SDC2: variants seen among roughly 807,000 people sequenced by gnomAD.
SDC2 encodes the protein syndecan 2.
SDC2 carries 13 observed loss-of-function variants against 22.2 expected under a neutral mutation model. The observed-to-expected ratio is 0.59, with a 90% CI of 0.38 to 0.93. The LOEUF (loss-of-function observed/expected upper bound fraction) is 0.93. Ranked by LOEUF, SDC2 falls within the 40% of genes least tolerant of loss-of-function variation. The pLI is 0.00. For missense variants in SDC2, 235 were observed against 246.8 expected, an observed-to-expected ratio of 0.95 and a Z score of 0.32; for synonymous variants, 94 against 92.8, an observed-to-expected ratio of 1.01 and a Z score of -0.07.
intron 1 of SDC2, among the ~76,000 whole-genome samples, chr8:96,513,501 C>T (rs1813358459): frequency 6.6e-6 from 1 of 152,148 alleles, no homozygotes; most frequent in Non-Finnish European, 1.5e-5. Context: ...ATACTATAAA[C>T]TATTTACAGA....
chr8:96,515,724 G>T (rs1813391211), intron 1 of SDC2, among the ~76,000 whole-genome samples: 1 of 152,166 alleles, frequency 6.6e-6, no homozygotes, highest in African/African-American at 2.4e-5. Context: ...ACTCCAAAAA[G>T]ATCATGAGGC....
At chr8:96,590,552 A>T (rs183586570) in intron 1 of SDC2, among the ~76,000 whole-genome samples, 1 of 152,248 alleles carries the variant, frequency 6.6e-6, no homozygotes, top group African/African-American at 2.4e-5. Flanking sequence ...TTCCCGTCCT[A>T]GGCATGTTCA....
intron 1 of SDC2, among the ~76,000 whole-genome samples, chr8:96,590,463 G>T (rs1472624072): frequency 1.3e-5 from 2 of 152,234 alleles, no homozygotes; most frequent in East Asian, 3.9e-4. Context: ...AAAATCGGTA[G>T]TTTCGAATTC....
chr8:96,506,007 A>C (rs1038537307), intron 1 of SDC2, among the ~76,000 whole-genome samples: 1 of 152,232 alleles, frequency 6.6e-6, no homozygotes, highest in African/African-American at 2.4e-5. Flanking sequence ...GCATTTGTAC[A>C]ATCAAAATTG....
intron 1 of SDC2, among the ~76,000 whole-genome samples, chr8:96,556,776 G>A (rs922323291): frequency 1.3e-5 from 2 of 150,616 alleles, no homozygotes; most frequent in African/African-American, 4.8e-5. Context: ...TGACAAATGG[G>A]ATCTAATTAA....
intron 3 of SDC2, among the ~76,000 whole-genome samples, chr8:96,603,754 G>C (rs1237057006): frequency 6.6e-6 from 1 of 152,128 alleles, no homozygotes; most frequent in East Asian, 1.9e-4. Flanking sequence ...GGAACAGCCA[G>C]GAAGCCAGCC....
rs1376067935 is a variant in SDC2 at position 96,493,883 on chromosome 8, C to G, written c.-389C>G. 5.1e-6 allele frequency: 1 copy of G among 197,660 alleles called. No homozygotes were observed. Among genetic ancestry groups the G allele is most frequent in the Non-Finnish European group, 1.0e-5 (1 of 97,520 alleles). 12.2% of individuals were successfully genotyped at this position (197,660 alleles called of 1,614,324 possible). On this transcript the variant is annotated 5_prime_UTR_variant, in exon 1 of 5. Coordinates refer to ENST00000302190, the MANE Select transcript of SDC2 (RefSeq NM_002998.4). Reference sequence around the variant, plus strand: ...CTCTGCCCCTAAACTTCTGCCGTAGCTCCCTTTCAAGCCAGCGAATTTATT... The same window carrying G: ...CTCTGCCCCTAAACTTCTGCCGTAGGTCCCTTTCAAGCCAGCGAATTTATT...
intron 1 of SDC2, among the ~76,000 whole-genome samples, chr8:96,524,725 TTCC>T (rs1813551612): frequency 1.3e-5 from 2 of 152,178 alleles, no homozygotes; most frequent in Non-Finnish European, 2.9e-5. Flanking sequence ...TTAGAAATCA[TTCC>T]TCCTCCTTTT....
chr8:96,595,402 A>G (rs1294207759), intron 2 of SDC2, among the ~76,000 whole-genome samples: 2 of 152,196 alleles, frequency 1.3e-5, no homozygotes, highest in East Asian at 1.9e-4. Flanking sequence ...AAATAACTCT[A>G]GTTATTCTTG....
At chr8:96,563,685 T>C (rs1168743569) in intron 1 of SDC2, among the ~76,000 whole-genome samples, 4 of 152,234 alleles carry the variant, frequency 2.6e-5, no homozygotes, top group African/African-American at 9.6e-5. Flanking sequence ...AGTTCTCTAA[T>C]TCTAATACGT....
chr8:96,565,083 G>GTTTTTTTTTTTTTTTTTTTTTTT (rs1563663668), intron 1 of SDC2, among the ~76,000 whole-genome samples: 1 of 15,922 alleles, frequency 6.3e-5, no homozygotes, highest in African/African-American at 2.6e-4. Flanking sequence ...TCCTAAATTT[G>GTTTTTTTTTTTTTTTTTTTTTTT]ATTTTTTTTT....
At chr8:96,506,892 C>A (rs1194856550) in intron 1 of SDC2, among the ~76,000 whole-genome samples, 2 of 151,670 alleles carry the variant, frequency 1.3e-5, no homozygotes, top group Admixed American at 6.6e-5. Context: ...GCCTGTAGTC[C>A]CAGCTACTCG....
chr8:96,532,425 T>G (rs1026557151), intron 1 of SDC2, among the ~76,000 whole-genome samples: 3 of 143,970 alleles, frequency 2.1e-5, no homozygotes, highest in South Asian at 2.3e-4. Context: ...TTTTTTTTTT[T>G]TTTTTTTTTT....
At chr8:96,502,402 A>G (rs1441784045) in intron 1 of SDC2, among the ~76,000 whole-genome samples, 1 of 152,164 alleles carries the variant, frequency 6.6e-6, no homozygotes, top group South Asian at 2.1e-4. Flanking sequence ...GTATTTTTTT[A>G]TATATTTTCT....
intron 1 of SDC2, among the ~76,000 whole-genome samples, chr8:96,503,058 G>A (rs1375554403): frequency 6.6e-6 from 1 of 152,176 alleles, no homozygotes; most frequent in Non-Finnish European, 1.5e-5. Context: ...GAATATGTTT[G>A]TAGTCAGCTT....
chr8:96,582,016 T>C (rs185436239), intron 1 of SDC2, among the ~76,000 whole-genome samples: 1 of 152,226 alleles, frequency 6.6e-6, no homozygotes, highest in East Asian at 1.9e-4. Context: ...CATGTCAGTT[T>C]GACCGGGAGC....
chr8:96,538,359 C>T (rs1003413085), intron 1 of SDC2, among the ~76,000 whole-genome samples: 1 of 152,040 alleles, frequency 6.6e-6, no homozygotes, highest in African/African-American at 2.4e-5. Context: ...TATGAATGTA[C>T]CTCTTAAATA....
chr8:96,526,380 A>T (rs141571073), intron 1 of SDC2, among the ~76,000 whole-genome samples: 2 of 144,888 alleles, frequency 1.4e-5, no homozygotes, highest in African/African-American at 5.3e-5. Flanking sequence ...TTGTTATACG[A>T]TTGTTTGTTT....
chr8:96,601,347 A>G (rs1814979894), intron 2 of SDC2, among the ~76,000 whole-genome samples: 1 of 152,054 alleles, frequency 6.6e-6, no homozygotes, highest in South Asian at 2.1e-4. Context: ...ATCTGCCTGT[A>G]AAACCAGGAG....
Sources: allele counts gnomAD v4.1 joint callset (sites outside exome capture counted in the v4.1 genomes callset), GRCh38; gene constraint gnomAD v4.1.1; transcripts MANE v1.5; gene names NCBI Gene and HGNC (gene_info 2026-07-23, HGNC 2026-07-21).